Variants in TSPAN11 observed in about 807,000 individuals in gnomAD.
TSPAN11 encodes tetraspanin-11.
TSPAN11 carries 29 observed loss-of-function variants against 32.9 expected under a neutral mutation model. The ratio of observed to expected loss-of-function variants is 0.88; its 90% confidence interval spans 0.66 to 1.20. The LOEUF is 1.20. Ranked by LOEUF, TSPAN11 falls within the 50% of genes most tolerant of loss-of-function variation. The pLI, the probability that TSPAN11 is intolerant of heterozygous loss-of-function variation, is 0.00. For synonymous variants in TSPAN11, 140 were observed against 141.3 expected, an observed-to-expected ratio of 0.99 and a Z score of 0.07; for missense variants, 283 against 329.1, an observed-to-expected ratio of 0.86 and a Z score of 1.08.
At chr12:30,927,499 TCTTAA>T (rs376694122) in intron 1 of TSPAN11, among the ~76,000 whole-genome samples, 1 of 152,110 alleles carries the variant, frequency 6.6e-6, no homozygotes, top group African/African-American at 2.4e-5. Context: ...CGGGACAGCA[TCTTAA>T]CTTGAGTCTA....
chr12:30,954,428 A>G, intron 2 of TSPAN11: 1 of 252,404 alleles, frequency 4.0e-6, no homozygotes, highest in Non-Finnish European at 7.6e-6. Context: ...GCCTGAAATA[A>G]TAACTTGTTT....
At chr12:31,005,615 CACT>C in the TSPAN11 span, among the ~76,000 whole-genome samples, 5 of 152,262 alleles carry the variant, frequency 3.3e-5, no homozygotes, top group African/African-American at 1.2e-4. Context: ...GCCCCTCCAC[CACT>C]GAGAAGGCTG....
chr12:31,007,487 C>T, the TSPAN11 span, among the ~76,000 whole-genome samples: 1 of 152,054 alleles, frequency 6.6e-6, no homozygotes, highest in East Asian at 1.9e-4. Context: ...CATCACAGCC[C>T]ATCATATCCC....
chr12:30,944,386 C>G (rs1938226338), intron 1 of TSPAN11, among the ~76,000 whole-genome samples: 2 of 152,176 alleles, frequency 1.3e-5, no homozygotes, highest in African/African-American at 4.8e-5. Context: ...CCTAATCCCC[C>G]TCACAATCCC....
chr12:30,949,355 G>A (rs1343055869), intron 1 of TSPAN11, among the ~76,000 whole-genome samples: 2 of 152,126 alleles, frequency 1.3e-5, no homozygotes, highest in Non-Finnish European at 2.9e-5. Context: ...AGATGTACCC[G>A]AGACTGGGAG....
At chr12:30,968,520 A>G (rs1404994330) in intron 3 of TSPAN11, among the ~76,000 whole-genome samples, 1 of 152,242 alleles carries the variant, frequency 6.6e-6, no homozygotes, top group Non-Finnish European at 1.5e-5. Context: ...TTCACACCAG[A>G]TCTTTTTTAG....
chr12:30,951,015 C>G (rs775490693), intron 1 of TSPAN11, among the ~76,000 whole-genome samples: 20 of 152,150 alleles, frequency 1.3e-4, no homozygotes, highest in Non-Finnish European at 2.8e-4. Context: ...TAAATAAATT[C>G]ACAATCATAG....
At chr12:30,953,241 A>G (rs553345671) in intron 1 of TSPAN11, among the ~76,000 whole-genome samples, 140 of 152,328 alleles carry the variant, frequency 9.2e-4, no homozygotes, top group African/African-American at 3.1e-3. Flanking sequence ...CTTCACATAG[A>G]TTATTTCATT....
At chr12:30,931,960 C>T (rs201680526) in intron 1 of TSPAN11, among the ~76,000 whole-genome samples, 14 of 147,316 alleles carry the variant, frequency 9.5e-5, no homozygotes, top group Non-Finnish European at 2.1e-4. Flanking sequence ...TCCCTAGCAA[C>T]GAGTGCAAAG....
chr12:30,991,153 G>A (rs572004268), intron 7 of TSPAN11, among the ~76,000 whole-genome samples: 164 of 152,316 alleles, frequency 1.1e-3, no homozygotes, highest in Admixed American at 2.9e-3. Context: ...TGTGGATACC[G>A]ACAGAAGGGC....
At chr12:30,927,183 G>A (rs781652269) in intron 1 of TSPAN11, among the ~76,000 whole-genome samples, 1 of 152,232 alleles carries the variant, frequency 6.6e-6, no homozygotes, top group Non-Finnish European at 1.5e-5. Flanking sequence ...CCCTGAATTC[G>A]AGTAGCTGCC....
chr12:30,970,163 T>G (rs1592485603), intron 3 of TSPAN11, among the ~76,000 whole-genome samples: 1 of 152,190 alleles, frequency 6.6e-6, no homozygotes, highest in East Asian at 1.9e-4. Context: ...TTGGTCACTT[T>G]CCTCATGCCA....
intron 7 of TSPAN11, among the ~76,000 whole-genome samples, chr12:30,987,939 A>T (rs1939232257): frequency 6.6e-6 from 1 of 152,246 alleles, no homozygotes; most frequent in African/African-American, 2.4e-5. Context: ...CTTTTTAACA[A>T]TTTGAATTGC....
At chr12:30,952,256 C>T (rs1023554772) in intron 1 of TSPAN11, among the ~76,000 whole-genome samples, 3 of 152,130 alleles carry the variant, frequency 2.0e-5, no homozygotes, top group Non-Finnish European at 4.4e-5. Context: ...AACTCTGCCA[C>T]TTGCTAAGGG....
intron 1 of TSPAN11, among the ~76,000 whole-genome samples, chr12:30,940,912 A>T (rs1391674996): frequency 1.3e-5 from 2 of 152,156 alleles, no homozygotes; most frequent in African/African-American, 4.8e-5. Flanking sequence ...TTATGAATTC[A>T]CATGTGAGAG....
intron 1 of TSPAN11, among the ~76,000 whole-genome samples, chr12:30,944,610 A>G (rs1469997042): frequency 6.6e-6 from 1 of 152,228 alleles, no homozygotes; most frequent in African/African-American, 2.4e-5. Flanking sequence ...AATAGCCAAG[A>G]TATGGAATCA....
downstream of TSPAN11, chr12:30,997,200 C>G (rs1421918893): frequency 6.6e-6 from 1 of 152,236 alleles, no homozygotes; most frequent in Non-Finnish European, 1.5e-5. Flanking sequence ...AAAGATAAAT[C>G]TTTGCTGAGG....
At chr12:31,011,318 T>C in the TSPAN11 span, among the ~76,000 whole-genome samples, 1 of 152,204 alleles carries the variant, frequency 6.6e-6, no homozygotes, top group Non-Finnish European at 1.5e-5. Flanking sequence ...TGCAGAATAC[T>C]CATGACTTAT....
At chr12:31,009,543 G>C in the TSPAN11 span, among the ~76,000 whole-genome samples, 1 of 152,146 alleles carries the variant, frequency 6.6e-6, no homozygotes, top group African/African-American at 2.4e-5. Flanking sequence ...ATGAAGGAGG[G>C]AAGCAGCAAG....
Sources: gnomAD v4.1 joint callset for allele counts (sites outside exome capture counted in the v4.1 genomes callset) on GRCh38, gnomAD v4.1.1 for gene constraint, MANE v1.5 for transcripts, NCBI Gene and HGNC (gene_info 2026-07-23, HGNC 2026-07-21) for gene names.